Variants in GABRB3 observed in about 807,000 individuals in gnomAD.
GABRB3 encodes gamma-aminobutyric acid type A receptor subunit beta3.
A neutral mutation model predicts 52.1 loss-of-function variants in GABRB3; 14 were observed. That is an observed-to-expected ratio of 0.27 (90% CI 0.18 to 0.42). The LOEUF (loss-of-function observed/expected upper bound fraction) is 0.42, where lower values mean the gene tolerates loss of function less well. Ranked by LOEUF, GABRB3 falls within the 10% of genes least tolerant of loss-of-function variation. The pLI is 1.00. For synonymous variants in GABRB3, 260 were observed against 232.3 expected (o/e 1.12, Z -1.08); for missense variants, 307 against 609.1 (o/e 0.50, Z 5.22).
At chr15:26,582,575 C>CA (rs1182579067) in intron 5 of GABRB3, among the ~76,000 whole-genome samples, 1 of 151,784 alleles carries the variant, frequency 6.6e-6, no homozygotes, top group Non-Finnish European at 1.5e-5. Context: ...CAGCCTCACC[C>CA]AGGATCTACA....
chr15:26,720,793 CGAACTGCTGAGGAACAG>C (rs1303643191), intron 3 of GABRB3, among the ~76,000 whole-genome samples: 1 of 152,114 alleles, frequency 6.6e-6, no homozygotes, highest in African/African-American at 2.4e-5. Context: ...GGTTGAAGGA[CGAACTGCTGAGGAACAG>C]GAACACCTTA....
intron 8 of GABRB3, 132 bp downstream of exon 8, chr15:26,560,800 T>C: frequency 7.5e-7 from 1 of 1,338,650 alleles, no homozygotes; most frequent in Non-Finnish European, 1.1e-6. Context: ...ATAAGGGCTA[T>C]ATCACAAGTA....
intron 4 of GABRB3, among the ~76,000 whole-genome samples, chr15:26,616,649 T>C (rs767788460): frequency 1.3e-5 from 2 of 152,088 alleles, no homozygotes; most frequent in Non-Finnish European, 2.9e-5. Flanking sequence ...ATTTATTGAT[T>C]TAAGAGGCTG....
At chr15:26,640,493 G>A (rs1893172357) in intron 3 of GABRB3, among the ~76,000 whole-genome samples, 1 of 152,098 alleles carries the variant, frequency 6.6e-6, no homozygotes, top group African/African-American at 2.4e-5. Context: ...CTCCAGCCTG[G>A]GCGACAGAGC....
Position 26,748,489 on chromosome 15 carries a change from A to G in GABRB3, c.240+23913T>C, listed in dbSNP as rs376806312. ...TTGGTCTATTTTTTCTGAAGTGTTG[A>G]ATTTATATGTATAAAATTGTTCGTG... On this transcript the variant is annotated intron_variant, in intron 3 of 8. Coordinates refer to ENST00000311550, the MANE Select transcript of GABRB3 (RefSeq NM_000814.6). Among the ~76,000 whole-genome samples the G allele has an allele frequency of 6.6e-5, 10 of 152,204 alleles. No individual in the cohort carries two copies. The South Asian group carries it at 1.2e-3, about 19-fold the overall frequency.
intron 3 of GABRB3, chr15:26,629,236 A>G (rs535268751): frequency 1.5e-6 from 2 of 1,372,136 alleles, no homozygotes; most frequent in East Asian, 2.6e-5. Context: ...AAAGGAGGGC[A>G]GCGCGGAAGC....
At chr15:26,709,522 T>C (rs1159478616) in intron 3 of GABRB3, among the ~76,000 whole-genome samples, 4 of 136,456 alleles carry the variant, frequency 2.9e-5, no homozygotes, top group Non-Finnish European at 6.4e-5. Flanking sequence ...TTTCTTTTTT[T>C]TTTTTTTTTT....
chr15:26,596,120 A>T (rs1394277589), intron 4 of GABRB3, among the ~76,000 whole-genome samples: 1 of 152,080 alleles, frequency 6.6e-6, no homozygotes, highest in Non-Finnish European at 1.5e-5. Context: ...CAGGAGAGGG[A>T]GGGTGTTTCC....
At position 26,688,217 on chromosome 15, in the gene GABRB3, T is replaced by C. The variant is rs373903794; in HGVS notation, c.241-66683A>G. Among the ~76,000 whole-genome samples the C allele has an allele frequency of 2.6e-5, 4 of 152,316 alleles. No individual in the cohort carries two copies. In the South Asian group the frequency reaches 8.3e-4, roughly 32 times the overall value. ...GTCCTGGTTACTGGATGGACGACTG[T>C]GCTGGGCACAGCACAAACACTAAAC... is the stretch of plus-strand genomic sequence containing the variant. On this transcript the variant is annotated intron_variant, in intron 3 of 8. Coordinates refer to ENST00000311550, the MANE Select transcript of GABRB3 (RefSeq NM_000814.6).
intron 3 of GABRB3, among the ~76,000 whole-genome samples, chr15:26,623,483 G>A (rs1434532713): frequency 6.6e-6 from 1 of 152,174 alleles, no homozygotes; most frequent in Non-Finnish European, 1.5e-5. Flanking sequence ...TCTCCTAGGA[G>A]TGTACTTTTC....
At chr15:26,550,906 G>T (rs925323829) in intron 8 of GABRB3, among the ~76,000 whole-genome samples, 1 of 152,182 alleles carries the variant, frequency 6.6e-6, no homozygotes, top group African/African-American at 2.4e-5. Flanking sequence ...TACTATAGGA[G>T]GTGAGAGGGA....
chr15:26,692,214 T>C (rs1030259547), intron 3 of GABRB3, among the ~76,000 whole-genome samples: 2 of 152,224 alleles, frequency 1.3e-5, no homozygotes, highest in Non-Finnish European at 2.9e-5. Context: ...GAGGTGATCT[T>C]TCTCTTCTCA....
At chr15:26,616,056 A>G (rs1892245447) in intron 4 of GABRB3, 1 of 1,289,184 alleles carries the variant, frequency 7.8e-7, no homozygotes, top group South Asian at 1.2e-5. Context: ...CCAGGGCCAT[A>G]GTACCTATTT....
intron 3 of GABRB3, among the ~76,000 whole-genome samples, chr15:26,674,412 A>AG (rs1462716791): frequency 4.9e-5 from 6 of 123,320 alleles, no homozygotes; most frequent in Admixed American, 8.6e-5. Context: ...AAAAAAAAAA[A>AG]AAAAAAAAAG....
rs79714346 is a variant in GABRB3 at position 26,764,533 on chromosome 15, G to A, written c.240+7869C>T. 7.3e-3 allele frequency among the ~76,000 whole-genome samples: 1,112 copies of A among 152,100 alleles called. 15 individuals are homozygous for A. The highest frequency in any genetic ancestry group is 0.023 in the African/African-American group (961 of 41,478). ...ATACATTAGTTAACGTTTACACATG[G>A]CTTCTAATTCTGGATGTGGTCTCCT... On this transcript the variant is annotated intron_variant, in intron 3 of 8. Coordinates refer to ENST00000311550, the MANE Select transcript of GABRB3 (RefSeq NM_000814.6).
At chr15:26,643,757 A>G (rs1893277174) in intron 3 of GABRB3, among the ~76,000 whole-genome samples, 1 of 152,076 alleles carries the variant, frequency 6.6e-6, no homozygotes, top group African/African-American at 2.4e-5. Context: ...TATTCATCCA[A>G]CAAACACTAC....
chr15:26,608,327 T>A (rs1891921058), intron 4 of GABRB3, among the ~76,000 whole-genome samples: 1 of 152,088 alleles, frequency 6.6e-6, no homozygotes, highest in East Asian at 1.9e-4. Flanking sequence ...GATTAAAACT[T>A]AAATGTAACT....
intron 3 of GABRB3, among the ~76,000 whole-genome samples, chr15:26,647,252 T>C (rs542425866): frequency 1.6e-4 from 24 of 152,382 alleles, no homozygotes; most frequent in African/African-American, 4.1e-4. Flanking sequence ...TCTGAATACA[T>C]GTTCCTTGTC....
intron 4 of GABRB3, among the ~76,000 whole-genome samples, chr15:26,599,538 C>G (rs1424293199): frequency 6.6e-6 from 1 of 152,338 alleles, no homozygotes; most frequent in African/African-American, 2.4e-5. Context: ...ATAGCAGAGT[C>G]CAGCCAGTAG....
Sources: allele counts gnomAD v4.1 joint callset (sites outside exome capture counted in the v4.1 genomes callset), GRCh38; gene constraint gnomAD v4.1.1; transcripts MANE v1.5; gene names NCBI Gene and HGNC (gene_info 2026-07-23, HGNC 2026-07-21).